The following SMOC2 variants were observed in gnomAD, a reference collection of about 807,000 sequenced individuals.
The protein encoded by SMOC2 is SPARC-related modular calcium-binding protein 2.
A neutral mutation model predicts 61.4 loss-of-function variants in SMOC2; 39 were observed. That is an observed-to-expected ratio of 0.64 (90% CI 0.49 to 0.83). The LOEUF (loss-of-function observed/expected upper bound fraction) is 0.83, where lower values mean the gene tolerates loss of function less well. Ranked by LOEUF, SMOC2 falls within the 40% of genes least tolerant of loss-of-function variation. The probability of loss-of-function intolerance (pLI) is 0.00; values close to 1 mark genes in which losing one functional copy is unlikely to be tolerated. For synonymous variants in SMOC2, 247 were observed against 239.9 expected, an observed-to-expected ratio of 1.03 and a Z score of -0.27; for missense variants, 556 against 592.9, an observed-to-expected ratio of 0.94 and a Z score of 0.65.
intron 9 of SMOC2, among the ~76,000 whole-genome samples, chr6:168,623,347 T>TTTTTTTTTTTTTA (rs1164772527): frequency 6.6e-6 from 1 of 150,534 alleles, no homozygotes; most frequent in Non-Finnish European, 1.5e-5. Flanking sequence ...TTTTTTTTTT[T>TTTTTTTTTTTTTA]TGAGACAGAG....
chr6:168,513,759 C>T (rs558304523), intron 2 of SMOC2, among the ~76,000 whole-genome samples: 1 of 152,318 alleles, frequency 6.6e-6, no homozygotes, highest in Admixed American at 6.5e-5. Context: ...TCTCAGGGAG[C>T]TCGTCTCTTC....
At chr6:168,615,212 T>C (rs375223300) in intron 9 of SMOC2, among the ~76,000 whole-genome samples, 39 of 37,842 alleles carry the variant, frequency 1.0e-3, no homozygotes, top group Non-Finnish European at 1.0e-3. Flanking sequence ...GGCCTCTTTA[T>C]ACCTACAGCC....
At position 168,479,142 on chromosome 6, in the gene SMOC2, C is replaced by T. The variant is rs539633358; in HGVS notation, c.85-30773C>T. Among the ~76,000 whole-genome samples, 531 of 151,540 alleles carry T rather than the reference C, an allele frequency of 3.5e-3. 3 individuals carry two copies. Among genetic ancestry groups the T allele is most frequent in the African/African-American group, 0.012 (511 of 41,196 alleles). On this transcript the variant is annotated intron_variant, in intron 1 of 12. Transcript: ENST00000356284. ...TTTATGGTATCTGGTCTGGAACAGC[C>T]CTGGTTTACAGACCCTGTCTCGGGA...
intron 11 of SMOC2, among the ~76,000 whole-genome samples, chr6:168,662,017 T>G (rs1404071820): frequency 6.6e-6 from 1 of 152,236 alleles, no homozygotes; most frequent in African/African-American, 2.4e-5. Context: ...CTATTTGCGT[T>G]ATGGCAAGGG....
chr6:168,634,280 T>G (rs2342647), intron 9 of SMOC2, among the ~76,000 whole-genome samples: 50,225 of 152,146 alleles, frequency 0.33, 9,000 homozygotes, highest in Middle Eastern at 0.57. Context: ...AGAATGATAC[T>G]AAGTCCTGAG....
chr6:168,508,102 C>T (rs568485102), intron 1 of SMOC2, among the ~76,000 whole-genome samples: 4 of 152,230 alleles, frequency 2.6e-5, no homozygotes, highest in South Asian at 2.1e-4. Context: ...ACGGGCCGTC[C>T]GGCCCCTACA....
At chr6:168,592,382 G>C (rs1307610707) in intron 7 of SMOC2, among the ~76,000 whole-genome samples, 19 of 122,932 alleles carry the variant, frequency 1.5e-4, no homozygotes, top group African/African-American at 4.7e-4. Context: ...CATCTTTCTA[G>C]AGGATCTCCG....
chr6:168,664,860 T>G (rs561786027), intron 12 of SMOC2: 1 of 467,754 alleles, frequency 2.1e-6, no homozygotes, highest in Admixed American at 2.4e-5. Flanking sequence ...AATCCCCACT[T>G]CTTTGCTGCC....
chr6:168,527,150 A>G (rs555252028), intron 3 of SMOC2, among the ~76,000 whole-genome samples: 1 of 152,226 alleles, frequency 6.6e-6, no homozygotes, highest in South Asian at 2.1e-4. Context: ...TTTGAGAGAC[A>G]ACGAGGGAGA....
At chr6:168,441,968 C>T (rs1332196114) in intron 1 of SMOC2, among the ~76,000 whole-genome samples, 2 of 152,240 alleles carry the variant, frequency 1.3e-5, no homozygotes, top group African/African-American at 4.8e-5. Context: ...GCGTGTTCTC[C>T]CGACCGCTTT....
intron 9 of SMOC2, among the ~76,000 whole-genome samples, chr6:168,638,139 G>A (rs977068813): frequency 2.0e-5 from 3 of 149,784 alleles, no homozygotes; most frequent in African/African-American, 7.3e-5. Context: ...TCGCTGGCCA[G>A]CCCCTGCCCT....
At chr6:168,474,274 G>A (rs1380847661) in intron 1 of SMOC2, among the ~76,000 whole-genome samples, 5 of 152,108 alleles carry the variant, frequency 3.3e-5, no homozygotes, top group Non-Finnish European at 7.4e-5. Flanking sequence ...CTGTGCATAA[G>A]GGGGAGGGAC....
chr6:168,536,438 C>T (rs1008756718), intron 4 of SMOC2, among the ~76,000 whole-genome samples: 3 of 152,082 alleles, frequency 2.0e-5, no homozygotes, highest in Non-Finnish European at 4.4e-5. Flanking sequence ...TGGTTGGGTC[C>T]CAGGGCACGG....
At position 168,544,683 on chromosome 6, in the gene SMOC2, A is replaced by G. The variant is rs1783951044; in HGVS notation, c.511+1011A>G. 6.6e-6 allele frequency among the ~76,000 whole-genome samples: 1 copy of G among 152,196 alleles called. No individual in the cohort carries two copies. Among genetic ancestry groups the G allele is most frequent in the South Asian group, 2.1e-4 (1 of 4,828 alleles). On this transcript the variant is annotated intron_variant, in intron 5 of 12. Transcript: ENST00000356284. This position sits in a 1 kb window ranked among gnomAD's most constrained non-coding sequence, Gnocchi z 4.1. ...GTGAGATTCTGTCTCAAAAACAAAA[A>G]CAAAATAATAAAAATAAAAATCGGA... is the stretch of plus-strand genomic sequence containing the variant.
chr6:168,503,065 CTTTTTTTTT>C (rs762736911), intron 1 of SMOC2, among the ~76,000 whole-genome samples: 14 of 47,804 alleles, frequency 2.9e-4, no homozygotes, highest in African/African-American at 1.4e-3. Flanking sequence ...CGTGCCTGGC[CTTTTTTTTT>C]TTTTTTTTTT....
At chr6:168,582,821 G>T (rs538012284) in intron 7 of SMOC2, among the ~76,000 whole-genome samples, 1 of 152,172 alleles carries the variant, frequency 6.6e-6, no homozygotes, top group Non-Finnish European at 1.5e-5. Context: ...GAACCGACAC[G>T]CACGGGGAAG....
chr6:168,448,869 G>A (rs932394628), intron 1 of SMOC2, among the ~76,000 whole-genome samples: 6 of 152,142 alleles, frequency 3.9e-5, no homozygotes, highest in African/African-American at 1.4e-4. Flanking sequence ...TTTTAGAATG[G>A]TAGGGTTGAT....
At chr6:168,449,981 G>A (rs1372105630) in intron 1 of SMOC2, among the ~76,000 whole-genome samples, 1 of 152,116 alleles carries the variant, frequency 6.6e-6, no homozygotes, top group Non-Finnish European at 1.5e-5. Context: ...ACATTCCCAA[G>A]GACAGTGAGT....
At chr6:168,636,294 G>A (rs1157545811) in intron 9 of SMOC2, among the ~76,000 whole-genome samples, 1 of 152,196 alleles carries the variant, frequency 6.6e-6, no homozygotes, top group Non-Finnish European at 1.5e-5. Flanking sequence ...CCAGCACAGT[G>A]CACTAAGAAC....
Sources: gnomAD v4.1 joint callset for allele counts (sites outside exome capture counted in the v4.1 genomes callset) on GRCh38, gnomAD v4.1.1 for gene constraint, Gnocchi (gnomAD v3.1) non-coding constraint, MANE v1.5 for transcripts, NCBI Gene and HGNC (gene_info 2026-07-23, HGNC 2026-07-21) for gene names.